PAPPA: variants seen among roughly 807,000 people sequenced by gnomAD.
The protein encoded by PAPPA is pappalysin-1.
PAPPA carries 60 observed loss-of-function variants against 164.0 expected under a neutral mutation model. The ratio of observed to expected loss-of-function variants is 0.37; its 90% CI spans 0.30 to 0.45. The LOEUF (loss-of-function observed/expected upper bound fraction) is 0.45. PAPPA is among the 20% of genes least tolerant of loss of function. PAPPA has a pLI of 1.00. For synonymous variants in PAPPA, 875 were observed against 814.1 expected, an observed-to-expected ratio of 1.07 and a Z score of -1.27; for missense variants, 1,782 against 2,087.3, an observed-to-expected ratio of 0.85 and a Z score of 2.85.
intron 1 of PAPPA, among the ~76,000 whole-genome samples, chr9:116,164,488 G>A (rs1451393184): frequency 2.6e-5 from 4 of 152,174 alleles, no homozygotes; most frequent in Non-Finnish European, 4.4e-5. Context: ...CAACCCACTT[G>A]GAGGAAGCTA....
chr9:116,177,551 C>T (rs574386650), intron 1 of PAPPA, among the ~76,000 whole-genome samples: 2 of 152,218 alleles, frequency 1.3e-5, no homozygotes, highest in East Asian at 3.9e-4. Context: ...AATTTCCAGC[C>T]CTGACTCTGC....
chr9:116,370,493 G>A (rs561563536), intron 19 of PAPPA, among the ~76,000 whole-genome samples: 1 of 151,208 alleles, frequency 6.6e-6, no homozygotes, highest in South Asian at 2.2e-4. Flanking sequence ...GGGATGTGCT[G>A]GCAAATAGTT....
chr9:116,240,092 T>C (rs1844718200), intron 7 of PAPPA, among the ~76,000 whole-genome samples: 1 of 152,174 alleles, frequency 6.6e-6, no homozygotes, highest in African/African-American at 2.4e-5. Flanking sequence ...TGGACAAAAC[T>C]GAGAAAGCAA....
intron 7 of PAPPA, among the ~76,000 whole-genome samples, chr9:116,246,361 G>A (rs1194144105): frequency 1.3e-5 from 2 of 152,126 alleles, no homozygotes; most frequent in Non-Finnish European, 2.9e-5. Context: ...TATTATACAA[G>A]TGTAATAATT....
At chr9:116,385,937 G>A (rs1407431976) in intron 21 of PAPPA, among the ~76,000 whole-genome samples, 2 of 152,228 alleles carry the variant, frequency 1.3e-5, no homozygotes, top group African/African-American at 4.8e-5. Context: ...AAGAGGCAAT[G>A]ATGAGAAAGT....
At chr9:116,364,181 C>T (rs1478588579) in intron 18 of PAPPA, among the ~76,000 whole-genome samples, 1 of 152,182 alleles carries the variant, frequency 6.6e-6, no homozygotes, top group African/African-American at 2.4e-5. Flanking sequence ...GATAGGTGTG[C>T]GTGGTCCTGA....
At chr9:116,230,395 T>C (rs1844575450) in intron 6 of PAPPA, among the ~76,000 whole-genome samples, 2 of 152,128 alleles carry the variant, frequency 1.3e-5, no homozygotes. Flanking sequence ...CATATCTGTA[T>C]GGTTGGGGAA....
At chr9:116,164,490 A>AG (rs1843699843) in intron 1 of PAPPA, among the ~76,000 whole-genome samples, 1 of 152,208 alleles carries the variant, frequency 6.6e-6, no homozygotes. Context: ...ACCCACTTGG[A>AG]GGAAGCTAAG....
intron 9 of PAPPA, among the ~76,000 whole-genome samples, chr9:116,278,759 A>G (rs188110354): frequency 6.6e-6 from 1 of 152,194 alleles, no homozygotes; most frequent in Non-Finnish European, 1.5e-5. Context: ...CAATTACTAC[A>G]TGGGTCTTTT....
chr9:116,183,853 C>T (rs1843936117), intron 1 of PAPPA, among the ~76,000 whole-genome samples: 1 of 152,140 alleles, frequency 6.6e-6, no homozygotes, highest in Non-Finnish European at 1.5e-5. Context: ...CTCTCAACTG[C>T]AAACAGAGGT....
chr9:116,206,373 G>T (rs981121100), intron 2 of PAPPA, among the ~76,000 whole-genome samples: 1 of 152,130 alleles, frequency 6.6e-6, no homozygotes, highest in Non-Finnish European at 1.5e-5. Flanking sequence ...TTCACAGCAG[G>T]GTAGAGGTGT....
At chr9:116,295,828 A>G (rs1845499261) in intron 9 of PAPPA, among the ~76,000 whole-genome samples, 1 of 152,132 alleles carries the variant, frequency 6.6e-6, no homozygotes, top group African/African-American at 2.4e-5. Context: ...GCCTTCTCTC[A>G]TTTTCCCAAG....
intron 2 of PAPPA, among the ~76,000 whole-genome samples, chr9:116,195,747 C>T (rs1844096679): frequency 6.6e-6 from 1 of 152,156 alleles, no homozygotes; most frequent in Non-Finnish European, 1.5e-5. Context: ...TTGTGCATAT[C>T]CCGAAATTCT....
chr9:116,255,791 G>A (rs554371125), intron 7 of PAPPA, among the ~76,000 whole-genome samples: 25 of 152,066 alleles, frequency 1.6e-4, no homozygotes, highest in Non-Finnish European at 3.4e-4. Context: ...CATGTTTGGT[G>A]AAAGGGTGTA....
chr9:116,331,456 A>AG (rs1334165544), intron 11 of PAPPA, 99 bp downstream of exon 11: 34 of 740,082 alleles, frequency 4.6e-5, no homozygotes, highest in Non-Finnish European at 2.4e-6. Context: ...CTACCTGCTG[A>AG]GGGTGTTAAT....
chr9:116,235,720 G>A (rs1564194401), intron 7 of PAPPA, 83 bp downstream of exon 7: 1 of 1,346,350 alleles, frequency 7.4e-7, no homozygotes, highest in African/African-American at 1.4e-5. Context: ...GCCTGGACAG[G>A]GGGAAGGTTC....
rs112482587 is a variant in PAPPA at position 116,156,275 on chromosome 9, C to CGTGT, written c.415+1699_415+1702dup. ...CTATGTAAGTGTGTCTACATAAATA[C>CGTGT]GTGTGTGTGTGTGTATATATATATA... On this transcript the variant is annotated intron_variant, in intron 1 of 21. Transcript: ENST00000328252. 6.8e-3 allele frequency among the ~76,000 whole-genome samples: 923 copies of CGTGT among 135,568 alleles called. 11 individuals carry two copies. The highest frequency in any genetic ancestry group is 0.023 in the African/African-American group (775 of 33,906). 88.9% of individuals were successfully genotyped at this position (135,568 alleles called of 152,430 possible).
intron 6 of PAPPA, among the ~76,000 whole-genome samples, chr9:116,233,580 A>G (rs1369821876): frequency 6.6e-6 from 1 of 152,160 alleles, no homozygotes; most frequent in Non-Finnish European, 1.5e-5. Context: ...GCTGTGATGC[A>G]TTATATCTAA....
At chr9:116,210,975 A>G (rs950318897) in intron 3 of PAPPA, among the ~76,000 whole-genome samples, 1 of 152,218 alleles carries the variant, frequency 6.6e-6, no homozygotes, top group African/African-American at 2.4e-5. Context: ...ATTTAATGAG[A>G]TACTCTGCTC....
Sources: allele counts gnomAD v4.1 joint callset (sites outside exome capture counted in the v4.1 genomes callset), GRCh38; gene constraint gnomAD v4.1.1; transcripts MANE v1.5; gene names NCBI Gene and HGNC (gene_info 2026-07-23, HGNC 2026-07-21).